Variants in ITFG1 observed in about 807,000 individuals in gnomAD.
ITFG1 encodes integrin alpha FG-GAP repeat containing 1.
Under a neutral mutation model 81.8 loss-of-function variants are expected in ITFG1, and 34 were observed. The ratio of observed to expected loss-of-function variants is 0.42; its 90% CI spans 0.32 to 0.55. ITFG1 has a LOEUF of 0.55. Among genes scored for constraint, ITFG1 ranks in the 20% least tolerant of loss-of-function variants. ITFG1 has a pLI of 0.17. For missense variants in ITFG1, 672 were observed against 755.4 expected (o/e 0.89, Z 1.29); for synonymous variants, 285 against 270.6 (o/e 1.05, Z -0.52).
intron 9 of ITFG1, chr16:47,313,078 G>A (rs1967292676): frequency 6.6e-6 from 1 of 152,166 alleles, no homozygotes; most frequent in Non-Finnish European, 1.5e-5. Context: ...AAGGAAATCT[G>A]TAACTGGCTG....
At chr16:47,250,259 C>T (rs1018430175) in intron 12 of ITFG1, among the ~76,000 whole-genome samples, 1 of 151,712 alleles carries the variant, frequency 6.6e-6, no homozygotes, top group Non-Finnish European at 1.5e-5. Context: ...ATCATATGCT[C>T]TTTGTAAAAA....
intron 8 of ITFG1, among the ~76,000 whole-genome samples, chr16:47,319,288 A>T (rs1967412588): frequency 6.6e-6 from 1 of 152,186 alleles, no homozygotes; most frequent in Non-Finnish European, 1.5e-5. Flanking sequence ...CAAAATTCAA[A>T]TTTTTGCTTG....
intron 5 of ITFG1, among the ~76,000 whole-genome samples, chr16:47,433,599 T>C (rs1253906866): frequency 6.6e-6 from 1 of 151,046 alleles, no homozygotes; most frequent in East Asian, 1.9e-4. Context: ...TTTATACTTA[T>C]TGCCTATGTT....
intron 8 of ITFG1, among the ~76,000 whole-genome samples, chr16:47,349,007 T>C (rs1404390458): frequency 2.6e-5 from 4 of 152,054 alleles, no homozygotes; most frequent in Non-Finnish European, 5.9e-5. Context: ...GACAAGCAAA[T>C]GCTGAGAGAT....
intron 12 of ITFG1, among the ~76,000 whole-genome samples, chr16:47,244,655 A>C (rs922033901): frequency 5.0e-5 from 6 of 119,006 alleles, no homozygotes; most frequent in African/African-American, 9.8e-5. Flanking sequence ...GTGTGTATTT[A>C]CCCCTCTGTA....
At chr16:47,329,196 G>C (rs1967604978) in intron 8 of ITFG1, among the ~76,000 whole-genome samples, 1 of 152,050 alleles carries the variant, frequency 6.6e-6, no homozygotes, top group Admixed American at 6.6e-5. Flanking sequence ...GGCAGAAGAC[G>C]AGAATCAAAA....
intron 5 of ITFG1, among the ~76,000 whole-genome samples, chr16:47,437,435 T>G (rs1461460187): frequency 2.0e-5 from 3 of 151,192 alleles, no homozygotes; most frequent in Non-Finnish European, 2.9e-5. Context: ...ACCACTGCAC[T>G]TCGGCCTGGG....
At chr16:47,364,410 C>T (rs555463635) in intron 8 of ITFG1, among the ~76,000 whole-genome samples, 34 of 152,150 alleles carry the variant, frequency 2.2e-4, no homozygotes, top group Middle Eastern at 6.8e-3. Context: ...ATAAAACACA[C>T]GATCATAAAA....
intron 12 of ITFG1, among the ~76,000 whole-genome samples, chr16:47,241,301 C>T (rs1965930771): frequency 6.6e-6 from 1 of 152,084 alleles, no homozygotes; most frequent in African/African-American, 2.4e-5. Flanking sequence ...CAGCTATATT[C>T]CAAGAAAAAC....
chr16:47,440,600 G>A (rs1047911329), intron 5 of ITFG1, among the ~76,000 whole-genome samples: 6 of 152,082 alleles, frequency 3.9e-5, no homozygotes, highest in South Asian at 2.1e-4. Flanking sequence ...GGTACATAAC[G>A]AAATGAAAGC....
At chr16:47,205,936 G>A (rs529781819) in intron 14 of ITFG1, among the ~76,000 whole-genome samples, 81 of 151,918 alleles carry the variant, frequency 5.3e-4, no homozygotes, top group African/African-American at 1.9e-3. Context: ...CATGATCTTG[G>A]CTCACTGCAA....
At chr16:47,187,935 A>G (rs1030508275) in intron 14 of ITFG1, among the ~76,000 whole-genome samples, 2 of 152,142 alleles carry the variant, frequency 1.3e-5, no homozygotes, top group Admixed American at 1.3e-4. Flanking sequence ...AAACAACCAC[A>G]TCAAAAAGTG....
intron 14 of ITFG1, among the ~76,000 whole-genome samples, chr16:47,168,545 G>GTTTT (rs758632507): frequency 2.5e-4 from 30 of 117,680 alleles, no homozygotes; most frequent in African/African-American, 4.6e-4. Flanking sequence ...CTAATTAAAA[G>GTTTT]TTTTTTTTTT....
At chr16:47,207,406 G>A (rs537755216) in intron 14 of ITFG1, among the ~76,000 whole-genome samples, 29 of 152,276 alleles carry the variant, frequency 1.9e-4, no homozygotes, top group African/African-American at 6.5e-4. Context: ...TTCTAATGGA[G>A]GTACCACACA....
At chr16:47,155,897 T>C in intron 17 of ITFG1, 119 bp from the exon 18 acceptor site, 3 of 663,314 alleles carry the variant, frequency 4.5e-6, no homozygotes, top group Non-Finnish European at 7.6e-6. Flanking sequence ...ATAATAGATA[T>C]GATTTCCTAA....
intron 6 of ITFG1, among the ~76,000 whole-genome samples, chr16:47,399,841 C>T (rs888063651): frequency 3.9e-5 from 6 of 152,112 alleles, no homozygotes; most frequent in Non-Finnish European, 5.9e-5. Flanking sequence ...CAATCTCTGT[C>T]AGTGGGGTCA....
chr16:47,325,732 G>C (rs1409511285), intron 8 of ITFG1, among the ~76,000 whole-genome samples: 1 of 152,132 alleles, frequency 6.6e-6, no homozygotes, highest in Non-Finnish European at 1.5e-5. Context: ...AGAAGAAATG[G>C]ATAAATTCCT....
chr16:47,350,110 A>C (rs1048754681), intron 8 of ITFG1, among the ~76,000 whole-genome samples: 4 of 152,154 alleles, frequency 2.6e-5, no homozygotes, highest in African/African-American at 4.8e-5. Context: ...CAAGAGAAAG[A>C]AGGAAAGATC....
rs190599247 is a variant in ITFG1, at chr16:47,401,047, T to C, written c.656-25107A>G. Reference sequence around the variant, plus strand: ...TATAAGACCAGTCTGGCAACTGTCATGATAAAGTAAGCAGGAGGTACTTGC... The same window carrying C: ...TATAAGACCAGTCTGGCAACTGTCACGATAAAGTAAGCAGGAGGTACTTGC... On this transcript the variant is annotated intron_variant, in intron 6 of 17. Coordinates refer to ENST00000320640, the MANE Select transcript of ITFG1 (RefSeq NM_030790.5). 2.4e-3 allele frequency among the ~76,000 whole-genome samples: 367 copies of C among 152,222 alleles called. 1 individual carries two copies. Among genetic ancestry groups the C allele is most frequent in the African/African-American group, 7.9e-3 (326 of 41,518 alleles).
Sources: allele counts gnomAD v4.1 joint callset (sites outside exome capture counted in the v4.1 genomes callset), GRCh38; gene constraint gnomAD v4.1.1; transcripts MANE v1.5; gene names NCBI Gene and HGNC (gene_info 2026-07-23, HGNC 2026-07-21).